Variants in ERC2 observed in about 807,000 individuals in gnomAD.
The protein encoded by ERC2 is ELKS/RAB6-interacting/CAST family member 2.
Under a neutral mutation model 114.8 loss-of-function variants are expected in ERC2, and 42 were observed. That is an observed-to-expected ratio of 0.37 (90% confidence interval 0.29 to 0.47). ERC2 has a LOEUF of 0.47. Among genes scored for constraint, ERC2 ranks in the 20% least tolerant of loss-of-function variants. The probability of loss-of-function intolerance (pLI) is 0.99; values close to 1 mark genes in which losing one functional copy is unlikely to be tolerated. For synonymous variants in ERC2, 454 were observed against 425.5 expected (o/e 1.07, Z -0.82); for missense variants, 939 against 1,150.7 (o/e 0.82, Z 2.66).
At chr3:56,150,835 C>T (rs2081375477) in intron 4 of ERC2, among the ~76,000 whole-genome samples, 1 of 152,016 alleles carries the variant, frequency 6.6e-6, no homozygotes, top group Non-Finnish European at 1.5e-5. Flanking sequence ...AGCTCTAACC[C>T]TCAATGTGAT....
intron 13 of ERC2, among the ~76,000 whole-genome samples, chr3:55,939,402 G>A (rs1228254849): frequency 6.6e-6 from 1 of 152,178 alleles, no homozygotes; most frequent in African/African-American, 2.4e-5. Flanking sequence ...AAAGAAAAGG[G>A]CTCCCTTTGT....
At position 56,173,433 on chromosome 3, in the gene ERC2, G is replaced by A. The variant is rs2082789125; in HGVS notation, c.1149+13C>T. ...AGGCATAACTGTTTCTGACAAAAGTGCACAGTTCCTACCTTCATTTCGATG... is the reference window on the plus strand; with the variant it reads ...AGGCATAACTGTTTCTGACAAAAGTACACAGTTCCTACCTTCATTTCGATG... On this transcript the variant is annotated intron_variant, in intron 4 of 17. Coordinates refer to ENST00000288221, the MANE Select transcript of ERC2 (RefSeq NM_015576.3). 2.5e-6 allele frequency: 4 copies of A among 1,612,412 alleles called. No individual in the cohort carries two copies. The highest frequency in any genetic ancestry group is 3.4e-6 in the Non-Finnish European group (4 of 1,178,516).
At chr3:55,709,520 C>G (rs760153944) in intron 15 of ERC2, among the ~76,000 whole-genome samples, 3 of 152,124 alleles carry the variant, frequency 2.0e-5, no homozygotes, top group Non-Finnish European at 4.4e-5. Flanking sequence ...ACTGGGCAAG[C>G]AGAGGAGACT....
chr3:55,839,755 T>A (rs1361359710), intron 14 of ERC2, among the ~76,000 whole-genome samples: 1 of 151,602 alleles, frequency 6.6e-6, no homozygotes, highest in Non-Finnish European at 1.5e-5. Flanking sequence ...TTAATCCAAA[T>A]CAAGACAGTA....
chr3:56,028,951 T>G (rs1217789907), intron 7 of ERC2, among the ~76,000 whole-genome samples: 3 of 152,128 alleles, frequency 2.0e-5, no homozygotes, highest in Admixed American at 6.5e-5. Flanking sequence ...TTTGTAAATG[T>G]GCTTTATCAA....
intron 12 of ERC2, among the ~76,000 whole-genome samples, chr3:55,974,653 T>G (rs1353614081): frequency 6.6e-6 from 1 of 152,094 alleles, no homozygotes; most frequent in Non-Finnish European, 1.5e-5. Flanking sequence ...TCTTCCCCCA[T>G]CTCTGCCGTC....
chr3:55,883,330 T>C (rs1419978990), intron 14 of ERC2, among the ~76,000 whole-genome samples: 1 of 152,038 alleles, frequency 6.6e-6, no homozygotes, highest in African/African-American at 2.4e-5. Context: ...AGAAGAATGG[T>C]AGGAGAAAAT....
chr3:55,885,102 T>C (rs939305149), intron 14 of ERC2, among the ~76,000 whole-genome samples: 11 of 152,114 alleles, frequency 7.2e-5, no homozygotes, highest in African/African-American at 2.7e-4. Context: ...GCCTCTCCCT[T>C]CCCACCAGGG....
chr3:56,347,835 A>G lies in ERC2; in HGVS notation c.658-51400T>C, dbSNP rs566377786. ...ATGCCTCCTGCAGTTGCTACTTTCC[A>G]TGATTCCTTAGTGTTGTCTTACTGC... On this transcript the variant is annotated intron_variant, in intron 2 of 17. Transcript: ENST00000288221. 2.6e-5 allele frequency among the ~76,000 whole-genome samples: 4 copies of G among 152,308 alleles called. No homozygotes were observed. In the East Asian group the frequency reaches 7.7e-4, roughly 29 times the overall value.
At chr3:56,306,537 G>A (rs2056236047) in intron 2 of ERC2, among the ~76,000 whole-genome samples, 1 of 152,182 alleles carries the variant, frequency 6.6e-6, no homozygotes, top group African/African-American at 2.4e-5. Context: ...CAAGGTTCAA[G>A]GGCATGATTA....
At chr3:55,598,130 A>G (rs1464218349) in intron 17 of ERC2, among the ~76,000 whole-genome samples, 2 of 152,214 alleles carry the variant, frequency 1.3e-5, no homozygotes, top group Non-Finnish European at 2.9e-5. Context: ...GACAACTTGC[A>G]AATGTCTTTT....
chr3:55,947,645 C>T (rs568726904), intron 13 of ERC2, among the ~76,000 whole-genome samples: 23 of 152,294 alleles, frequency 1.5e-4, no homozygotes, highest in Middle Eastern at 3.4e-3. Context: ...AACAGAGCTG[C>T]CCCAGGCACC....
intron 3 of ERC2, among the ~76,000 whole-genome samples, chr3:56,184,312 C>T (rs1185588121): frequency 6.6e-6 from 1 of 152,118 alleles, no homozygotes; most frequent in African/African-American, 2.4e-5. Context: ...ACACCTAACA[C>T]ATGTTAAGCA....
intron 14 of ERC2, among the ~76,000 whole-genome samples, chr3:55,739,673 T>C (rs1472872924): frequency 6.6e-6 from 1 of 152,126 alleles, no homozygotes. Context: ...GTCAGGTGGG[T>C]AGATTGCAAA....
intron 17 of ERC2, among the ~76,000 whole-genome samples, chr3:55,629,030 T>A (rs2059636538): frequency 6.6e-6 from 1 of 152,038 alleles, no homozygotes; most frequent in African/African-American, 2.4e-5. Context: ...GAAGCAGAGA[T>A]GGAAGGAAAC....
At chr3:55,852,605 C>G (rs774215498) in intron 14 of ERC2, 12 of 153,084 alleles carry the variant, frequency 7.8e-5, no homozygotes, top group Non-Finnish European at 1.2e-4. Flanking sequence ...TTAAAAAAAT[C>G]TTGCAGCAGA....
intron 2 of ERC2, among the ~76,000 whole-genome samples, chr3:56,357,784 G>C (rs999596168): frequency 4.7e-5 from 7 of 148,488 alleles, no homozygotes; most frequent in African/African-American, 1.8e-4. Flanking sequence ...GAATGATCTA[G>C]TATGTCATAT....
At chr3:56,093,072 A>G (rs2077879651) in intron 6 of ERC2, among the ~76,000 whole-genome samples, 1 of 152,180 alleles carries the variant, frequency 6.6e-6, no homozygotes, top group South Asian at 2.1e-4. Context: ...GTAAATGACT[A>G]ACAAATTAGG....
chr3:55,963,100 C>T (rs889026346), intron 12 of ERC2, among the ~76,000 whole-genome samples: 1 of 152,314 alleles, frequency 6.6e-6, no homozygotes, highest in African/African-American at 2.4e-5. Flanking sequence ...AGCTTTAATG[C>T]CACAGGGCAG....
Sources: allele counts gnomAD v4.1 joint callset (sites outside exome capture counted in the v4.1 genomes callset), GRCh38; gene constraint gnomAD v4.1.1; transcripts MANE v1.5; gene names NCBI Gene and HGNC (gene_info 2026-07-23, HGNC 2026-07-21).